The following MICU3 variants were observed in gnomAD, a reference collection of about 807,000 sequenced individuals.
MICU3 encodes the protein calcium uptake protein 3, mitochondrial.
MICU3 carries 62 observed loss-of-function variants against 66.5 expected under a neutral mutation model. The ratio of observed to expected loss-of-function variants is 0.93; its 90% CI spans 0.76 to 1.15. The LOEUF (loss-of-function observed/expected upper bound fraction) is 1.15, where lower values mean the gene tolerates loss of function less well. Among genes scored for constraint, MICU3 ranks in the 50% most tolerant of loss-of-function variants. The pLI, the probability that MICU3 is intolerant of heterozygous loss-of-function variation, is 0.00. For synonymous variants in MICU3, 308 were observed against 240.7 expected (o/e 1.28, Z -2.59); for missense variants, 779 against 664.4 (o/e 1.17, Z -1.90).
chr8:17,045,140 A>G (rs977482389), intron 1 of MICU3, among the ~76,000 whole-genome samples: 38 of 152,264 alleles, frequency 2.5e-4, no homozygotes, highest in African/African-American at 8.7e-4. Context: ...GAGGCTTTTA[A>G]ACGAAAATGC....
At chr8:17,054,528 A>G (rs1213281434) in intron 1 of MICU3, among the ~76,000 whole-genome samples, 1 of 152,178 alleles carries the variant, frequency 6.6e-6, no homozygotes, top group Non-Finnish European at 1.5e-5. Flanking sequence ...GCATAATTAT[A>G]GAGCAAAATG....
chr8:17,105,389 T>A, intron 10 of MICU3, 24 bp from the exon 11 acceptor site: 5 of 1,406,078 alleles, frequency 3.6e-6, no homozygotes, highest in Non-Finnish European at 3.9e-6. Context: ...ATCTTTTTCC[T>A]TCTTTATTAC....
intron 1 of MICU3, among the ~76,000 whole-genome samples, chr8:17,037,505 T>C (rs940140669): frequency 6.6e-6 from 1 of 152,266 alleles, no homozygotes; most frequent in East Asian, 1.9e-4. Flanking sequence ...GAGGTTTCCA[T>C]GTGGTGTATG....
intron 11 of MICU3, among the ~76,000 whole-genome samples, chr8:17,113,003 A>T (rs1165010032): frequency 2.6e-5 from 4 of 152,228 alleles, no homozygotes; most frequent in Non-Finnish European, 5.9e-5. Flanking sequence ...TAAATGATCA[A>T]TGTAAGGAAA....
chr8:17,132,575 G>C, the MICU3 span: 1 of 152,204 alleles, frequency 6.6e-6, no homozygotes, highest in Non-Finnish European at 1.5e-5. Context: ...ATAGGGATCA[G>C]TCACTCCACC....
chr8:17,070,127 A>C (rs1442951433), intron 3 of MICU3, among the ~76,000 whole-genome samples: 1 of 152,056 alleles, frequency 6.6e-6, no homozygotes, highest in Non-Finnish European at 1.5e-5. Context: ...TACTAAATAC[A>C]CTGGTATCTA....
chr8:17,035,295 G>A (rs370333000), intron 1 of MICU3, among the ~76,000 whole-genome samples: 5 of 152,204 alleles, frequency 3.3e-5, no homozygotes, highest in African/African-American at 4.8e-5. Context: ...AGAGGGGGGT[G>A]CTGTTGTAAA....
chr8:17,052,297 C>T (rs1170315019), intron 1 of MICU3, among the ~76,000 whole-genome samples: 1 of 151,882 alleles, frequency 6.6e-6, no homozygotes, highest in Admixed American at 6.6e-5. Flanking sequence ...ATGTAATGAT[C>T]AAATCAAGGT....
rs149799189 is a variant in MICU3, at chr8:17,109,469, C to T, written c.1257+3885C>T. Among the ~76,000 whole-genome samples the T allele has an allele frequency of 2.6e-5, 4 of 152,082 alleles. No individual in the cohort carries two copies. The East Asian group carries it at 7.7e-4, about 29-fold the overall frequency. ...ACTGATCAAATATATCATGATATAT[C>T]TATAGAATAGAATAAGGTGCAGCTG... On this transcript the variant is annotated intron_variant, in intron 11 of 14. Transcript: ENST00000318063.
chr8:17,055,441 G>C (rs1472302218), intron 1 of MICU3, among the ~76,000 whole-genome samples: 1 of 152,214 alleles, frequency 6.6e-6, no homozygotes, highest in Non-Finnish European at 1.5e-5. Flanking sequence ...ATGACAGAGA[G>C]ACTGCAAACT....
intron 6 of MICU3, among the ~76,000 whole-genome samples, 156 bp from the exon 7 acceptor site, chr8:17,086,808 A>G (rs1799520304): frequency 1.3e-5 from 2 of 152,226 alleles, no homozygotes; most frequent in Middle Eastern, 3.4e-3. Flanking sequence ...TCTTGGGGGA[A>G]AAAACTGAAA....
downstream of MICU3, among the ~76,000 whole-genome samples, chr8:17,125,462 A>G (rs181581629): frequency 1.3e-5 from 2 of 152,212 alleles, no homozygotes; most frequent in African/African-American, 4.8e-5. Context: ...GTATACGTTC[A>G]TATTTACAAA....
rs1414998934 is a variant in MICU3, at chr8:17,121,069, G to T, written c.*782G>T. ...GGTAGTTGTTGTAACAGTAATCATT[G>T]TCATTGTCATTATCTTCTTAAACAT... is the stretch of plus-strand genomic sequence containing the variant. On this transcript the variant is annotated 3_prime_UTR_variant, in exon 15 of 15. Transcript: ENST00000318063. 1 of 151,846 alleles carries T rather than the reference G, an allele frequency of 6.6e-6. No individual in the cohort carries two copies. The highest frequency in any genetic ancestry group is 1.5e-5 in the Non-Finnish European group (1 of 67,782). The allele number at this position is 151,846 out of a possible 1,614,324, so 9.4% of individuals were successfully genotyped here.
intron 3 of MICU3, among the ~76,000 whole-genome samples, chr8:17,076,057 A>G (rs1398426057): frequency 6.6e-6 from 1 of 151,990 alleles, no homozygotes; most frequent in Middle Eastern, 3.2e-3. Flanking sequence ...GACAGGTCTC[A>G]CTCTGTTTGC....
intron 12 of MICU3, 45 bp from the exon 13 acceptor site, chr8:17,116,398 A>G (rs1318324920): frequency 8.1e-7 from 1 of 1,236,072 alleles, no homozygotes; most frequent in African/African-American, 1.6e-5. Context: ...CACATATTAT[A>G]AAAATAATAA....
intron 4 of MICU3, among the ~76,000 whole-genome samples, chr8:17,080,959 G>A (rs1821092743): frequency 6.6e-6 from 1 of 152,118 alleles, no homozygotes; most frequent in Admixed American, 6.6e-5. Context: ...TATCTACTTG[G>A]AAGGTCAGTT....
chr8:17,125,143 A>G (rs1280900236), downstream of MICU3, among the ~76,000 whole-genome samples: 1 of 151,226 alleles, frequency 6.6e-6, no homozygotes, highest in Non-Finnish European at 1.5e-5. Flanking sequence ...AGCCTGTAAT[A>G]TAGCCTGTAA....
At chr8:17,068,580 T>C (rs1421389181) in intron 2 of MICU3, among the ~76,000 whole-genome samples, 1 of 152,172 alleles carries the variant, frequency 6.6e-6, no homozygotes, top group Non-Finnish European at 1.5e-5. Context: ...TTCTAATTTG[T>C]AGACCTGTGA....
At chr8:17,028,426 C>G (rs1406733179) in intron 1 of MICU3, among the ~76,000 whole-genome samples, 2 of 152,048 alleles carry the variant, frequency 1.3e-5, no homozygotes, top group Non-Finnish European at 2.9e-5. Context: ...GTGTGAAAGG[C>G]AACAGTGAGT....
Sources: allele counts gnomAD v4.1 joint callset (sites outside exome capture counted in the v4.1 genomes callset), GRCh38; gene constraint gnomAD v4.1.1; transcripts MANE v1.5; gene names NCBI Gene and HGNC (gene_info 2026-07-23, HGNC 2026-07-21).